The following LDLRAD4 variants were observed in gnomAD, a reference collection of about 807,000 sequenced individuals.
The protein encoded by LDLRAD4 is low density lipoprotein receptor class A domain containing 4, also known as low-density lipoprotein receptor class A domain-containing protein 4.
In LDLRAD4, 5 loss-of-function variants were observed where a neutral mutation model predicts 17.0. The ratio of observed to expected loss-of-function variants is 0.29; its 90% CI spans 0.15 to 0.62. The LOEUF is 0.62. Among genes scored for constraint, LDLRAD4 ranks in the 20% least tolerant of loss-of-function variants. The probability of loss-of-function intolerance (pLI) is 0.84; values close to 1 mark genes in which losing one functional copy is unlikely to be tolerated. For missense variants in LDLRAD4, 340 were observed against 424.7 expected (o/e 0.80, Z 1.75); for synonymous variants, 168 against 171.8 (o/e 0.98, Z 0.17).
At chr18:13,539,508 A>G (rs890633974) in intron 3 of LDLRAD4, among the ~76,000 whole-genome samples, 5 of 152,214 alleles carry the variant, frequency 3.3e-5, no homozygotes, top group Admixed American at 2.0e-4. Flanking sequence ...AAGCCCTTTT[A>G]TGTTTTTGTG....
intron 3 of LDLRAD4, chr18:13,470,860 G>A (rs2092751376): frequency 8.8e-6 from 1 of 113,822 alleles, no homozygotes; most frequent in Non-Finnish European, 1.9e-5. Context: ...CAAGCAGAGT[G>A]CCCACAAAGA....
chr18:13,520,145 G>A (rs1209857135), intron 3 of LDLRAD4: 1 of 152,150 alleles, frequency 6.6e-6, no homozygotes. Flanking sequence ...TTAGGGGATT[G>A]GGCAATGAAA....
At chr18:13,553,421 T>A (rs1466569460) in intron 3 of LDLRAD4, among the ~76,000 whole-genome samples, 3 of 152,200 alleles carry the variant, frequency 2.0e-5, no homozygotes, top group Non-Finnish European at 1.5e-5. Flanking sequence ...AAGAATGGTG[T>A]TCTTAAAATA....
intron 1 of LDLRAD4, among the ~76,000 whole-genome samples, chr18:13,238,463 G>A (rs918947844): frequency 5.9e-5 from 9 of 152,242 alleles, no homozygotes; most frequent in African/African-American, 1.9e-4. Flanking sequence ...TCTTTATTTG[G>A]GCTGTCAGTG....
At chr18:13,421,326 A>AC (rs1320640507) in intron 2 of LDLRAD4, 1 of 151,846 alleles carries the variant, frequency 6.6e-6, no homozygotes, top group Non-Finnish European at 1.5e-5. Flanking sequence ...CCTGGCTTCC[A>AC]CCCCTCTCCC....
At chr18:13,407,995 C>T (rs1013673009) in intron 2 of LDLRAD4, among the ~76,000 whole-genome samples, 1 of 152,174 alleles carries the variant, frequency 6.6e-6, no homozygotes, top group Non-Finnish European at 1.5e-5. Context: ...CTTACAACTA[C>T]AATTGTTTGT....
chr18:13,226,500 A>T (rs918053825), intron 1 of LDLRAD4, among the ~76,000 whole-genome samples: 5 of 151,810 alleles, frequency 3.3e-5, no homozygotes, highest in Non-Finnish European at 5.9e-5. Flanking sequence ...TTATTTAAAA[A>T]ACCTTTGCAA....
chr18:13,227,641 C>G (rs1296040048), intron 1 of LDLRAD4, among the ~76,000 whole-genome samples: 1 of 152,204 alleles, frequency 6.6e-6, no homozygotes, highest in African/African-American at 2.4e-5. Flanking sequence ...ACTCACAGTT[C>G]CACGTGGCTG....
chr18:13,409,484 A>C (rs1440030539), intron 2 of LDLRAD4, among the ~76,000 whole-genome samples: 1 of 152,246 alleles, frequency 6.6e-6, no homozygotes, highest in Non-Finnish European at 1.5e-5. Context: ...ACTTTAAGCT[A>C]CTGATAGATA....
chr18:13,375,567 G>A (rs2084845410), intron 1 of LDLRAD4, among the ~76,000 whole-genome samples: 1 of 152,264 alleles, frequency 6.6e-6, no homozygotes, highest in Middle Eastern at 3.4e-3. Context: ...GGGGAGGCTT[G>A]GGTTGGTGGT....
chr18:13,645,787 C>A lies in LDLRAD4; in HGVS notation c.*130C>A. On this transcript the variant is annotated 3_prime_UTR_variant, in exon 6 of 6. Transcript: ENST00000359446. The surrounding 1 kb of genome is among the most constrained non-coding windows in gnomAD (Gnocchi z 5.7). The stretch of plus-strand genomic sequence containing the variant: ...GTAAAACCAAATGAGCAAACACGGT[C>A]TTTGTTTCTGATTCCTTTTAGGGGA... 1.7e-6 allele frequency: 1 copy of A among 603,860 alleles called. No homozygotes were observed. Among genetic ancestry groups the A allele is most frequent in the Non-Finnish European group, 2.6e-6 (1 of 383,306 alleles). The allele number at this position is 603,860 out of a possible 1,614,324, so 37.4% of individuals were successfully genotyped here.
exon 6 of LDLRAD4, chr18:13,648,988 ACTAATACAGAAGCTTGACAAGCATGTCCT>A (rs2043129205): frequency 6.6e-6 from 1 of 152,244 alleles, no homozygotes; most frequent in Admixed American, 6.5e-5. Flanking sequence ...TCCAAAATTT[ACTAATACAGAAGCTTGACAAGCATGTCCT>A]CACCCTCCCC....
chr18:13,310,440 C>A lies in LDLRAD4; in HGVS notation c.-383+32252C>A, dbSNP rs973397916. Among the ~76,000 whole-genome samples the A allele has an allele frequency of 2.0e-5, 3 of 151,998 alleles. No homozygotes were observed. The East Asian group carries it at 5.8e-4, about 29-fold the overall frequency. On this transcript the variant is annotated intron_variant, in intron 1 of 5. Coordinates refer to ENST00000359446, the Ensembl canonical transcript of LDLRAD4. ...GGACCATGTGTAGCATGGTGATAGACGTTGTGGTTGAAAAGGAAAAAAGAC... is the reference window on the plus strand; with the variant it reads ...GGACCATGTGTAGCATGGTGATAGAAGTTGTGGTTGAAAAGGAAAAAAGAC...
At chr18:13,296,994 T>C (rs2146504625) in intron 1 of LDLRAD4, among the ~76,000 whole-genome samples, 1 of 152,262 alleles carries the variant, frequency 6.6e-6, no homozygotes, top group East Asian at 1.9e-4. Flanking sequence ...TCTTTGTCTG[T>C]GTAGCGAGGG....
chr18:13,450,330 C>CCG (rs1555691821), intron 3 of LDLRAD4, among the ~76,000 whole-genome samples: 2 of 117,826 alleles, frequency 1.7e-5, no homozygotes, highest in Non-Finnish European at 3.7e-5. Flanking sequence ...CCCCCCACCC[C>CCG]CCCCCCCAAA....
rs955720490 is a variant in LDLRAD4 at position 13,405,497 on chromosome 18, A to C, written c.40+17735A>C. Among the ~76,000 whole-genome samples, 3 of 152,292 alleles carry C rather than the reference A, an allele frequency of 2.0e-5. No homozygotes were observed. The East Asian group carries it at 5.8e-4, about 29-fold the overall frequency. Reference sequence around the variant, plus strand: ...GAGAGCAGTGATGCAATCATAGCTCACTGCGGCCTTGACCTTCTGAGCTCA... The same window carrying C: ...GAGAGCAGTGATGCAATCATAGCTCCCTGCGGCCTTGACCTTCTGAGCTCA... On this transcript the variant is annotated intron_variant, in intron 2 of 5. Coordinates refer to ENST00000359446, the Ensembl canonical transcript of LDLRAD4.
At chr18:13,354,488 A>G (rs1434213439) in intron 1 of LDLRAD4, among the ~76,000 whole-genome samples, 2 of 152,208 alleles carry the variant, frequency 1.3e-5, no homozygotes, top group Non-Finnish European at 2.9e-5. Flanking sequence ...ATTTTGACAT[A>G]GGCTACTGTG....
intron 1 of LDLRAD4, among the ~76,000 whole-genome samples, chr18:13,223,282 A>C (rs1287579768): frequency 6.6e-6 from 1 of 152,172 alleles, no homozygotes; most frequent in East Asian, 1.9e-4. Context: ...GGACCTAGAG[A>C]GTCTCCTGAA....
At chr18:13,256,348 G>GTC (rs528908616) in intron 1 of LDLRAD4, among the ~76,000 whole-genome samples, 2 of 152,134 alleles carry the variant, frequency 1.3e-5, no homozygotes, top group South Asian at 4.2e-4. Flanking sequence ...TCTTGGCTCT[G>GTC]TCTCTGAGTC....
Sources: allele counts gnomAD v4.1 joint callset (sites outside exome capture counted in the v4.1 genomes callset), GRCh38; gene constraint gnomAD v4.1.1; non-coding constraint Gnocchi (gnomAD v3.1); transcripts MANE v1.5; gene names NCBI Gene and HGNC (gene_info 2026-07-23, HGNC 2026-07-21).